The following PNPT1 variants were observed in gnomAD, a reference collection of about 807,000 sequenced individuals.
PNPT1 encodes the protein polyribonucleotide nucleotidyltransferase 1, mitochondrial.
In PNPT1, 53 loss-of-function variants were observed where a neutral mutation model predicts 119.5. The ratio of observed to expected loss-of-function variants is 0.44; its 90% CI spans 0.36 to 0.56. The LOEUF is 0.56. Ranked by LOEUF, PNPT1 falls within the 20% of genes least tolerant of loss-of-function variation. The pLI, the probability that PNPT1 is intolerant of heterozygous loss-of-function variation, is 0.00. For missense variants in PNPT1, 948 were observed against 938.5 expected, an observed-to-expected ratio of 1.01 and a Z score of -0.13; for synonymous variants, 357 against 322.1, an observed-to-expected ratio of 1.11 and a Z score of -1.16.
intron 8 of PNPT1, among the ~76,000 whole-genome samples, chr2:55,675,195 C>G (rs1472161708): frequency 6.6e-6 from 1 of 151,724 alleles, no homozygotes; most frequent in African/African-American, 2.4e-5. Flanking sequence ...TTGAGGCCAG[C>G]AGTTTCAGGC....
Position 55,640,678 on chromosome 2 carries a change from A to G in PNPT1, c.2097T>C (p.Tyr699=). ...IRDTGVMVKL[Y]PNMTAVLLHN... is the part of the protein sequence containing the mutation. ...GAAGCAGTACCGCAGTCATATTTGGATATAATTTTACCATTACACCAGTAT... is the reference window on the plus strand; with the variant it reads ...GAAGCAGTACCGCAGTCATATTTGGGTATAATTTTACCATTACACCAGTAT... The change falls in exon 26 of 28, where the codon TAT becomes TAC. Residue 699 remains tyrosine, a synonymous_variant. Transcript: ENST00000447944. 1 of 1,591,264 alleles carries G rather than the reference A, an allele frequency of 6.3e-7. No homozygotes were observed. Among genetic ancestry groups the G allele is most frequent in the Non-Finnish European group, 8.6e-7 (1 of 1,160,698 alleles).
At position 55,643,301 on chromosome 2, in the gene PNPT1, A is replaced by C; in HGVS notation, c.2013+18T>G. On this transcript the variant is annotated intron_variant, in intron 24 of 27. Transcript: ENST00000447944. Reference sequence around the variant, plus strand: ...AAATATAGCTATATGATACGTAATTAATATGATCTATACTTACATCATCCT... The same window carrying C: ...AAATATAGCTATATGATACGTAATTCATATGATCTATACTTACATCATCCT... The C allele has an allele frequency of 6.2e-7, 1 of 1,612,672 alleles. No individual in the cohort carries two copies. The highest frequency in any genetic ancestry group is 8.5e-7 in the Non-Finnish European group (1 of 1,178,668).
chr2:55,684,922 G>C (rs375319487), intron 4 of PNPT1, 21 bp downstream of exon 4: 7 of 1,499,038 alleles, frequency 4.7e-6, no homozygotes, highest in Non-Finnish European at 6.3e-6. Flanking sequence ...GAAGATGAAC[G>C]CCTCTATGTT....
intron 1 of PNPT1, 152 bp from the exon 2 acceptor site, chr2:55,687,857 A>C (rs1371770530): frequency 2.3e-5 from 13 of 567,884 alleles, no homozygotes; most frequent in Non-Finnish European, 2.1e-5. Flanking sequence ...GATCATTATC[A>C]AAAGTAAAAG....
intron 18 of PNPT1, among the ~76,000 whole-genome samples, chr2:55,654,416 T>G (rs1418780647): frequency 1.3e-5 from 2 of 152,352 alleles, no homozygotes; most frequent in South Asian, 4.1e-4. Context: ...ACTGAAAGAT[T>G]ACAGTTGCTT....
chr2:55,660,701 C>G (rs1175096277), intron 14 of PNPT1, among the ~76,000 whole-genome samples: 2 of 152,176 alleles, frequency 1.3e-5, no homozygotes, highest in Admixed American at 6.5e-5. Flanking sequence ...AGGATTATAG[C>G]AGGTCACTGG....
intron 3 of PNPT1, among the ~76,000 whole-genome samples, chr2:55,685,369 A>G (rs1216353554): frequency 6.7e-6 from 1 of 149,732 alleles, no homozygotes; most frequent in East Asian, 2.0e-4. Context: ...TACCCCCAAC[A>G]AAAAAAAAAT....
At chr2:55,642,578 C>A (rs1263522581) in intron 25 of PNPT1, among the ~76,000 whole-genome samples, 3 of 140,494 alleles carry the variant, frequency 2.1e-5, no homozygotes, top group African/African-American at 8.3e-5. Context: ...TGCACTCCAG[C>A]CTGGGTGACA....
At chr2:55,655,820 T>C (rs552625104) in intron 17 of PNPT1, among the ~76,000 whole-genome samples, 1 of 152,338 alleles carries the variant, frequency 6.6e-6, no homozygotes, top group African/African-American at 2.4e-5. Context: ...TGCCTAATGA[T>C]CACTCTATTT....
In PNPT1 at chr2:55,670,441, C is replaced by T. The variant is rs186013276; in HGVS notation, c.976+878G>A. On this transcript the variant is annotated intron_variant, in intron 11 of 27. Coordinates refer to ENST00000447944, the MANE Select transcript of PNPT1 (RefSeq NM_033109.5). The stretch of plus-strand genomic sequence containing the variant: ...GACCTCGTGATCTGTCTGCCTCGGC[C>T]GCCCAAAGTGCTGGGATTACAGGCG... 6.4e-3 allele frequency among the ~76,000 whole-genome samples: 959 copies of T among 149,360 alleles called. 9 individuals carry two copies. The highest frequency in any genetic ancestry group is 0.022 in the African/African-American group (899 of 40,600).
At chr2:55,676,873 A>C (rs1697089046) in intron 8 of PNPT1, among the ~76,000 whole-genome samples, 1 of 152,156 alleles carries the variant, frequency 6.6e-6, no homozygotes, top group African/African-American at 2.4e-5. Flanking sequence ...AAAAAAAAAA[A>C]AAAAGATTTG....
chr2:55,680,873 C>T lies in PNPT1; in HGVS notation c.499G>A (p.Val167Ile), dbSNP rs1404121022. 6.2e-7 allele frequency: 1 copy of T among 1,614,026 alleles called. No individual in the cohort carries two copies. The highest frequency in any genetic ancestry group is 8.5e-7 in the Non-Finnish European group (1 of 1,179,930). Residue 167 changes from valine (V) to isoleucine (I), a missense_variant, in exon 6 of 28, where the codon GTC becomes ATC. By Grantham distance (29) the Val-to-Ile change is conservative (BLOSUM62 3). Coordinates refer to ENST00000447944, the MANE Select transcript of PNPT1 (RefSeq NM_033109.5). The part of the protein sequence containing the change: ...LAVDGVNEPD[V>I]LAINGASVAL... ...TACTTACCGCCATTAATTGCTAGGA[C>T]ATCAGGCTCATTTACACCATCTACT...
intron 1 of PNPT1, among the ~76,000 whole-genome samples, chr2:55,693,459 A>C (rs1697686541): frequency 2.0e-5 from 3 of 152,182 alleles, no homozygotes; most frequent in South Asian, 4.1e-4. Flanking sequence ...GGCACACACC[A>C]ACAGAGAGAA....
intron 14 of PNPT1, among the ~76,000 whole-genome samples, chr2:55,661,374 C>T (rs188758590): frequency 2.0e-5 from 3 of 152,048 alleles, no homozygotes; most frequent in South Asian, 2.1e-4. Context: ...ACAGGCCAGG[C>T]GTGAGCCACC....
At chr2:55,655,017 ATTGG>A in intron 17 of PNPT1, 64 bp from the exon 18 acceptor site, 2 of 1,390,100 alleles carry the variant, frequency 1.4e-6, no homozygotes, top group Non-Finnish European at 2.0e-6. Context: ...AAGTGTTACT[ATTGG>A]TTATTTCCTT....
intron 8 of PNPT1, 73 bp downstream of exon 8, chr2:55,679,609 G>A (rs754743795): frequency 1.7e-4 from 183 of 1,105,586 alleles, no homozygotes; most frequent in Non-Finnish European, 2.4e-4. Context: ...TACACACAGA[G>A]TTTAAATTCA....
Position 55,671,481 on chromosome 2 carries a change from T to C in PNPT1, c.919-105A>G, listed in dbSNP as rs1382544255. The C allele has an allele frequency of 1.7e-5, 10 of 592,174 alleles. No individual in the cohort carries two copies. In the Admixed American group the frequency reaches 2.6e-4, roughly 16 times the overall value. The allele number at this position is 592,174 out of a possible 1,614,324, so 36.7% of individuals were successfully genotyped here. A position where few individuals can be genotyped will look rare whatever the true frequency, so the allele number is the denominator to read the frequency against. On this transcript the variant is annotated intron_variant, in intron 10 of 27. Transcript: ENST00000447944. Reference sequence around the variant, plus strand: ...ACACATTGTGAATTACTCTGATTTCTTTAATATTCTTTAAAATATTGGAAT... The same window carrying C: ...ACACATTGTGAATTACTCTGATTTCCTTAATATTCTTTAAAATATTGGAAT...
intron 18 of PNPT1, among the ~76,000 whole-genome samples, chr2:55,648,806 CT>C (rs1572800844): frequency 1.3e-5 from 2 of 151,952 alleles, no homozygotes; most frequent in African/African-American, 4.8e-5. Context: ...CATTAGTTTT[CT>C]GTGTAGGATT....
intron 18 of PNPT1, among the ~76,000 whole-genome samples, chr2:55,647,751 G>C (rs1430482746): frequency 6.6e-6 from 1 of 152,040 alleles, no homozygotes; most frequent in Non-Finnish European, 1.5e-5. Context: ...TTGAACTCCT[G>C]ACCTCAGGTG....
Sources: allele counts gnomAD v4.1 joint callset (sites outside exome capture counted in the v4.1 genomes callset), GRCh38; gene constraint gnomAD v4.1.1; transcripts MANE v1.5; gene names NCBI Gene and HGNC (gene_info 2026-07-23, HGNC 2026-07-21).